Variants in ATP6V0A1 observed in about 807,000 individuals in gnomAD.
ATP6V0A1 encodes the protein V-type proton ATPase 116 kDa subunit a 1.
In ATP6V0A1, 43 loss-of-function variants were observed where a neutral mutation model predicts 105.4. The observed-to-expected ratio is 0.41, with a 90% CI of 0.32 to 0.53. ATP6V0A1 has a LOEUF of 0.53. Among genes scored for constraint, ATP6V0A1 ranks in the 20% least tolerant of loss-of-function variants. The probability of loss-of-function intolerance (pLI) is 0.30; values close to 1 mark genes in which losing one functional copy is unlikely to be tolerated. For synonymous variants in ATP6V0A1, 362 were observed against 372.8 expected, an observed-to-expected ratio of 0.97 and a Z score of 0.33; for missense variants, 676 against 1,051.1, an observed-to-expected ratio of 0.64 and a Z score of 4.93.
At position 42,483,042 on chromosome 17, in the gene ATP6V0A1, C is replaced by G; in HGVS notation, c.721C>G (p.Arg241Gly). ...TTCGATGTTCTTATATTCCAGGTTC[C>G]GAGCCTCACTCTATCCCTGTCCTGA... Reference protein sequence around the residue: ...NRVKKICEGFRASLYPCPETP... With the variant: ...NRVKKICEGFGASLYPCPETP... The change falls in exon 9 of 22, where the codon CGA (arginine) becomes GGA (glycine). Residue 241 changes from arginine to glycine, a missense_variant. Physicochemically the swap from Arg to Gly is moderately radical, Grantham distance 125. Coordinates refer to ENST00000343619, the MANE Select transcript of ATP6V0A1 (RefSeq NM_001130021.3). 1.3e-6 allele frequency: 2 copies of G among 1,491,422 alleles called. No individual in the cohort carries two copies. 92.4% of individuals were successfully genotyped at this position (1,491,422 alleles called of 1,614,324 possible). A position where few individuals can be genotyped will look rare whatever the true frequency, so the allele number is the denominator to read the frequency against.
At chr17:42,489,050 G>T (rs1241281628) in intron 10 of ATP6V0A1, among the ~76,000 whole-genome samples, 1 of 149,250 alleles carries the variant, frequency 6.7e-6, no homozygotes, top group Non-Finnish European at 1.5e-5. Context: ...ACGCCTGGTG[G>T]ATCAAAGCAG....
chr17:42,513,782 G>A (rs1186984765), intron 19 of ATP6V0A1, 79 bp from the exon 20 acceptor site: 3 of 1,383,144 alleles, frequency 2.2e-6, no homozygotes, highest in Non-Finnish European at 2.0e-6. Flanking sequence ...GGTTCAAAGC[G>A]CCAAGTAGCC....
At chr17:42,482,166 A>G (rs1207121166) in intron 8 of ATP6V0A1, among the ~76,000 whole-genome samples, 1 of 151,442 alleles carries the variant, frequency 6.6e-6, no homozygotes, top group Non-Finnish European at 1.5e-5. Context: ...TTTTGTTTTG[A>G]GGCAGGGTCT....
intron 10 of ATP6V0A1, among the ~76,000 whole-genome samples, chr17:42,488,597 G>A (rs974666127): frequency 1.3e-5 from 2 of 152,148 alleles, no homozygotes; most frequent in East Asian, 1.9e-4. Flanking sequence ...TCAGACTCCC[G>A]GTAGCTGGGA....
chr17:42,470,804 A>T (rs1040684333), intron 5 of ATP6V0A1: 4 of 153,562 alleles, frequency 2.6e-5, no homozygotes, highest in African/African-American at 9.7e-5. Context: ...CAGAGGGAAA[A>T]ATGTTAGTAA....
intron 12 of ATP6V0A1, 182 bp downstream of exon 12, chr17:42,494,655 TC>T: frequency 1.4e-6 from 1 of 690,688 alleles, no homozygotes; most frequent in South Asian, 2.5e-5. Flanking sequence ...GTGCCTGTAG[TC>T]CCAGCTACTT....
intron 5 of ATP6V0A1, among the ~76,000 whole-genome samples, chr17:42,475,910 T>A (rs2088667458): frequency 6.6e-6 from 1 of 152,248 alleles, no homozygotes; most frequent in African/African-American, 2.4e-5. Flanking sequence ...AAGTACTGTT[T>A]GCTTTTCCAT....
At chr17:42,487,124 G>C in intron 9 of ATP6V0A1, 31 bp from the exon 10 acceptor site, 2 of 1,608,838 alleles carry the variant, frequency 1.2e-6, no homozygotes, top group Non-Finnish European at 1.7e-6. Flanking sequence ...GTGTTAAAAG[G>C]ATCCCTCGCT....
intron 9 of ATP6V0A1, 142 bp downstream of exon 9, chr17:42,483,273 C>A: frequency 4.1e-6 from 2 of 492,194 alleles, no homozygotes; most frequent in Non-Finnish European, 6.6e-6. Context: ...GGTAATATGT[C>A]CTTCTGGGAG....
At chr17:42,473,636 G>A (rs1045009239) in intron 5 of ATP6V0A1, among the ~76,000 whole-genome samples, 4 of 152,000 alleles carry the variant, frequency 2.6e-5, no homozygotes, top group Non-Finnish European at 5.9e-5. Flanking sequence ...TTGATATACT[G>A]TTTAGTTTAC....
intron 14 of ATP6V0A1, 52 bp downstream of exon 14, chr17:42,495,768 C>T (rs772800055): frequency 7.1e-7 from 1 of 1,413,000 alleles, no homozygotes; most frequent in Admixed American, 1.7e-5. Flanking sequence ...AACACTAACC[C>T]TGAAGCAAGA....
intron 17 of ATP6V0A1, among the ~76,000 whole-genome samples, chr17:42,507,031 A>C (rs1201541034): frequency 6.6e-6 from 1 of 152,180 alleles, no homozygotes; most frequent in African/African-American, 2.4e-5. Context: ...TTTCTGGAAG[A>C]AGTTGCTGGA....
At chr17:42,487,918 C>T (rs535549512) in intron 10 of ATP6V0A1, among the ~76,000 whole-genome samples, 1 of 152,090 alleles carries the variant, frequency 6.6e-6, no homozygotes, top group South Asian at 2.1e-4. Flanking sequence ...TATGTGGAGA[C>T]TGCAGTTCAG....
intron 15 of ATP6V0A1, among the ~76,000 whole-genome samples, chr17:42,500,074 CAAAAA>C (rs199733869): frequency 8.2e-5 from 5 of 61,076 alleles, no homozygotes; most frequent in African/African-American, 1.6e-4. Context: ...CCCATCTCTA[CAAAAA>C]AAAAAAAAAA....
intron 21 of ATP6V0A1, 34 bp from the exon 22 acceptor site, chr17:42,520,993 A>G (rs200295572): frequency 1.3e-5 from 20 of 1,543,670 alleles, no homozygotes; most frequent in Non-Finnish European, 1.7e-5. Context: ...CAAAGTTTCT[A>G]TTGAATGACA....
intron 21 of ATP6V0A1, among the ~76,000 whole-genome samples, chr17:42,516,315 G>A (rs915252060): frequency 6.6e-6 from 1 of 152,120 alleles, no homozygotes; most frequent in African/African-American, 2.4e-5. Context: ...GGAGAGTGAG[G>A]CATGGAAGGG....
intron 6 of ATP6V0A1, 66 bp downstream of exon 6, chr17:42,477,808 A>C: frequency 7.5e-7 from 1 of 1,336,854 alleles, no homozygotes. Context: ...TCAGAAGAGC[A>C]GTGAGACTGG....
intron 3 of ATP6V0A1, among the ~76,000 whole-genome samples, chr17:42,467,406 T>C (rs2087236473): frequency 6.6e-6 from 1 of 152,210 alleles, no homozygotes; most frequent in Admixed American, 6.5e-5. Flanking sequence ...CTAAGCCAGC[T>C]TATGGTTAGC....
intron 10 of ATP6V0A1, among the ~76,000 whole-genome samples, chr17:42,489,671 G>A (rs1376300347): frequency 1.3e-5 from 2 of 152,116 alleles, no homozygotes; most frequent in African/African-American, 4.8e-5. Flanking sequence ...GAGAATTAGG[G>A]TTCCAATGAG....
Sources: gnomAD v4.1 joint callset for allele counts (sites outside exome capture counted in the v4.1 genomes callset) on GRCh38, gnomAD v4.1.1 for gene constraint, MANE v1.5 for transcripts, NCBI Gene and HGNC (gene_info 2026-07-23, HGNC 2026-07-21) for gene names.